The following VSTM2B variants were observed in gnomAD, a reference collection of about 807,000 sequenced individuals.
VSTM2B encodes the protein V-set and transmembrane domain containing 2B, also known as V-set and transmembrane domain-containing protein 2B.
VSTM2B carries 24 observed loss-of-function variants against 24.0 expected under a neutral mutation model. The observed-to-expected ratio is 1.00, with a 90% CI of 0.72 to 1.40. The LOEUF is 1.40. VSTM2B is among the 40% of genes most tolerant of loss of function. The pLI is 0.00. For synonymous variants in VSTM2B, 226 were observed against 194.4 expected, an observed-to-expected ratio of 1.16 and a Z score of -1.35; for missense variants, 399 against 416.4, an observed-to-expected ratio of 0.96 and a Z score of 0.36.
At chr19:29,543,110 G>T (rs1970062318) in intron 4 of VSTM2B, among the ~76,000 whole-genome samples, 1 of 152,150 alleles carries the variant, frequency 6.6e-6, no homozygotes, top group Admixed American at 6.5e-5. Flanking sequence ...CAGATTTGCT[G>T]ATTCTTGTCC....
intron 3 of VSTM2B, 116 bp downstream of exon 3, chr19:29,528,578 C>A: frequency 3.1e-6 from 4 of 1,274,090 alleles, no homozygotes; most frequent in African/African-American, 1.5e-5. Context: ...GCAAGTAGGG[C>A]AGCGATCGCA....
intron 4 of VSTM2B, among the ~76,000 whole-genome samples, chr19:29,547,888 T>A (rs1221844683): frequency 6.7e-6 from 1 of 149,152 alleles, no homozygotes; most frequent in Non-Finnish European, 1.5e-5. Flanking sequence ...CAGATTGAAG[T>A]GGGGGGATGG....
chr19:29,528,630 G>A (rs1463283288), intron 3 of VSTM2B, among the ~76,000 whole-genome samples, 168 bp downstream of exon 3: 1 of 152,228 alleles, frequency 6.6e-6, no homozygotes, highest in Non-Finnish European at 1.5e-5. Flanking sequence ...GGCGCCATCT[G>A]TCGCCGGTTG....
intron 2 of VSTM2B, among the ~76,000 whole-genome samples, chr19:29,527,910 A>G (rs1969627973): frequency 1.3e-5 from 2 of 151,986 alleles, no homozygotes; most frequent in Non-Finnish European, 2.9e-5. Context: ...CTGCCTCAAA[A>G]CCCACACTCT....
intron 4 of VSTM2B, among the ~76,000 whole-genome samples, chr19:29,562,270 G>A (rs1056651629): frequency 1.1e-4 from 17 of 152,328 alleles, no homozygotes; most frequent in East Asian, 3.9e-4. Context: ...GCCAGAGCAG[G>A]GAGAATTAAG....
chr19:29,530,048 C>G lies in VSTM2B; in HGVS notation c.527C>G (p.Pro176Arg). The G allele has an allele frequency of 6.6e-7, 1 of 1,518,956 alleles. No homozygotes were observed. Among genetic ancestry groups the G allele is most frequent in the Non-Finnish European group, 8.8e-7 (1 of 1,139,884 alleles). The allele number at this position is 1,518,956 out of a possible 1,614,324, so 94.1% of individuals were successfully genotyped here. The change falls in exon 4 of 5, where the codon CCA becomes CGA. Residue 176 changes from proline (P) to arginine (R), a missense_variant. Physicochemically the swap from Pro to Arg is moderately radical, Grantham distance 103. Coordinates refer to ENST00000335523, the MANE Select transcript of VSTM2B (RefSeq NM_001146339.2). Reference sequence around the variant, plus strand: ...AGCAGCGGCCCGCGTCGCCACGGCCCAGCCAGCGCCGCCAACGCCAACAAC... The same window carrying G: ...AGCAGCGGCCCGCGTCGCCACGGCCGAGCCAGCGCCGCCAACGCCAACAAC... ...IQSSGPRRHG[P>R]ASAANANNAG... is the part of the protein sequence containing the mutation.
chr19:29,526,980 T>A lies in VSTM2B; in HGVS notation c.83-231T>A. The A allele has an allele frequency of 2.2e-6, 1 of 459,542 alleles. No homozygotes were observed. The highest frequency in any genetic ancestry group is 3.8e-6 in the Non-Finnish European group (1 of 264,216). The allele number at this position is 459,542 out of a possible 1,614,324, so 28.5% of individuals were successfully genotyped here. On this transcript the variant is annotated intron_variant, in intron 1 of 4. Coordinates refer to ENST00000335523, the MANE Select transcript of VSTM2B (RefSeq NM_001146339.2). This position sits in a 1 kb window ranked among gnomAD's most constrained non-coding sequence, Gnocchi z 4.1. ...GCGGGGGAGAAGCACGAGTCGCCCC[T>A]GCCGCCCCGCCCCATCCGGAGGGAA...
rs1022975979 is a variant in VSTM2B at position 29,526,266 on chromosome 19, C to T, written c.-318C>T. Among the ~76,000 whole-genome samples, 7 of 151,950 alleles carry T rather than the reference C, an allele frequency of 4.6e-5. No homozygotes were observed. The highest frequency in any genetic ancestry group is 1.7e-4 in the African/African-American group (7 of 41,400). On this transcript the variant is annotated 5_prime_UTR_variant, in exon 1 of 5. Transcript: ENST00000335523. This position sits in a 1 kb window ranked among gnomAD's most constrained non-coding sequence, Gnocchi z 4.1. ...GCGGCCCAGCCCCTGCCCGGCCCGC[C>T]GGGCAGAGACTGAACCGCGGATCCC...
intron 4 of VSTM2B, among the ~76,000 whole-genome samples, chr19:29,546,670 G>GCCCCCCCCCC (rs201235419): frequency 2.7e-5 from 4 of 150,318 alleles, no homozygotes; most frequent in African/African-American, 7.4e-5. Context: ...CCGCTGGGGA[G>GCCCCCCCCCC]CCCCCACCCC....
At chr19:29,547,185 G>A (rs992510904) in intron 4 of VSTM2B, among the ~76,000 whole-genome samples, 1 of 152,180 alleles carries the variant, frequency 6.6e-6, no homozygotes, top group African/African-American at 2.4e-5. Context: ...ATGTAAGTAT[G>A]TTCCATGCAA....
intron 1 of VSTM2B, 162 bp from the exon 2 acceptor site, chr19:29,527,049 C>G: frequency 3.2e-6 from 2 of 634,312 alleles, no homozygotes. Flanking sequence ...GCCCTGCAGC[C>G]GCTTCCCCGA....
intron 4 of VSTM2B, among the ~76,000 whole-genome samples, chr19:29,535,348 A>G (rs576183312): frequency 1.3e-5 from 2 of 152,178 alleles, no homozygotes; most frequent in Non-Finnish European, 2.9e-5. Flanking sequence ...TTGCAACTGA[A>G]TGGCTGGTGT....
chr19:29,556,728 A>G (rs1970418575), intron 4 of VSTM2B, among the ~76,000 whole-genome samples: 1 of 152,130 alleles, frequency 6.6e-6, no homozygotes. Flanking sequence ...CCTGTGATAG[A>G]CAAGCAACAA....
At chr19:29,557,235 C>A (rs78814763) in intron 4 of VSTM2B, among the ~76,000 whole-genome samples, 1 of 152,066 alleles carries the variant, frequency 6.6e-6, no homozygotes, top group Non-Finnish European at 1.5e-5. Context: ...ATAAATAAGA[C>A]GCACATCTGC....
chr19:29,548,810 G>A (rs945973194), intron 4 of VSTM2B, among the ~76,000 whole-genome samples: 2 of 152,232 alleles, frequency 1.3e-5, no homozygotes, highest in Non-Finnish European at 2.9e-5. Context: ...ACAAAGATAG[G>A]ATGCATACCA....
rs1224811955 is a variant in VSTM2B at position 29,528,463 on chromosome 19, G to GTT, written c.297+2_297+3insTT. 4 of 1,550,878 alleles carry GTT rather than the reference G, an allele frequency of 2.6e-6. No homozygotes were observed. Among genetic ancestry groups the GTT allele is most frequent in the Admixed American group, 3.9e-5 (2 of 50,990 alleles). ...AAATAAGGATGCAACTAAAATCAGC[G>GTT]TAAGTGTGGAGCCCAGCGCGGGCCG... On this transcript the variant is annotated splice_donor_variant, in intron 3 of 4. Transcript: ENST00000335523. LOFTEE classifies it high-confidence loss of function.
At chr19:29,551,049 C>A (rs78881375) in intron 4 of VSTM2B, among the ~76,000 whole-genome samples, 1 of 152,364 alleles carries the variant, frequency 6.6e-6, no homozygotes, top group Non-Finnish European at 1.5e-5. Flanking sequence ...GCCATCCATA[C>A]TTCTAGAAAC....
chr19:29,555,424 A>G lies in VSTM2B; in HGVS notation c.770-8422A>G, dbSNP rs561147818. On this transcript the variant is annotated intron_variant, in intron 4 of 4. Coordinates refer to ENST00000335523, the MANE Select transcript of VSTM2B (RefSeq NM_001146339.2). ...TGAAGCAGTGTTAAGAGGGAAAATT[A>G]TAGCACTAAATGCCCACATCAAAAA... 3.3e-5 allele frequency among the ~76,000 whole-genome samples: 5 copies of G among 152,340 alleles called. No homozygotes were observed. In the East Asian group the frequency reaches 7.7e-4, roughly 23 times the overall value.
chr19:29,544,010 T>C (rs530591906), intron 4 of VSTM2B, among the ~76,000 whole-genome samples: 1 of 152,102 alleles, frequency 6.6e-6, no homozygotes, highest in African/African-American at 2.4e-5. Flanking sequence ...CTTCTAATGG[T>C]TTTACATATT....
Sources: gnomAD v4.1 joint callset for allele counts (sites outside exome capture counted in the v4.1 genomes callset) on GRCh38, gnomAD v4.1.1 for gene constraint, Gnocchi (gnomAD v3.1) non-coding constraint, MANE v1.5 for transcripts, NCBI Gene and HGNC (gene_info 2026-07-23, HGNC 2026-07-21) for gene names.